The following CLTC variants were observed in gnomAD, a reference collection of about 807,000 sequenced individuals.
CLTC encodes the protein clathrin heavy chain 1.
CLTC carries 16 observed loss-of-function variants against 195.8 expected under a neutral mutation model. The observed-to-expected ratio is 0.08, with a 90% CI of 0.06 to 0.12. CLTC has a LOEUF of 0.12. Among genes scored for constraint, CLTC ranks in the 10% least tolerant of loss-of-function variants. The probability of loss-of-function intolerance (pLI) is 1.00; values close to 1 mark genes in which losing one functional copy is unlikely to be tolerated. For missense variants in CLTC, 796 were observed against 2,027.0 expected (o/e 0.39, Z 11.66); for synonymous variants, 667 against 689.4 (o/e 0.97, Z 0.51).
intron 5 of CLTC, among the ~76,000 whole-genome samples, chr17:59,653,890 A>C (rs985068138): frequency 2.0e-5 from 3 of 151,106 alleles, no homozygotes; most frequent in African/African-American, 7.3e-5. Flanking sequence ...CTCATGCCTC[A>C]GCCTCCCGAG....
chr17:59,660,051 T>C (rs2032574018), intron 6 of CLTC, among the ~76,000 whole-genome samples: 1 of 152,174 alleles, frequency 6.6e-6, no homozygotes, highest in Non-Finnish European at 1.5e-5. Context: ...CAGAGCTCAA[T>C]TAAGTGGGAA....
chr17:59,653,833 CGCAATCTCAGCTCACT>C (rs1197340288), intron 5 of CLTC, among the ~76,000 whole-genome samples: 2 of 150,708 alleles, frequency 1.3e-5, no homozygotes, highest in Non-Finnish European at 3.0e-5. Context: ...AGTGCAGTGG[CGCAATCTCAGCTCACT>C]GCAATCTCTG....
intron 6 of CLTC, among the ~76,000 whole-genome samples, chr17:59,656,872 C>G (rs1339773659): frequency 6.6e-6 from 1 of 151,794 alleles, no homozygotes; most frequent in Non-Finnish European, 1.5e-5. Context: ...CGGGCTTTCA[C>G]CATTTTGGCC....
At chr17:59,690,424 C>T in intron 30 of CLTC, 1 of 432,648 alleles carries the variant, frequency 2.3e-6, no homozygotes, top group Non-Finnish European at 4.1e-6. Context: ...ATTTTGAATC[C>T]CTCCTTCCTG....
At chr17:59,649,459 G>C (rs1306711513) in intron 4 of CLTC, among the ~76,000 whole-genome samples, 2 of 152,130 alleles carry the variant, frequency 1.3e-5, no homozygotes, top group African/African-American at 4.8e-5. Flanking sequence ...TGAGAGGTTT[G>C]GAAATAATTA....
intron 1 of CLTC, among the ~76,000 whole-genome samples, chr17:59,629,009 A>T (rs189064606): frequency 9.9e-4 from 150 of 151,984 alleles, no homozygotes; most frequent in African/African-American, 3.4e-3. Flanking sequence ...AAGGTGGCTT[A>T]AAAAAAACCA....
Position 59,647,681 on chromosome 17 carries a change from A to AT in CLTC, c.519+22dup. The AT allele has an allele frequency of 6.2e-7, 1 of 1,608,462 alleles. No homozygotes were observed. The highest frequency in any genetic ancestry group is 8.5e-7 in the Non-Finnish European group (1 of 1,175,650). On this transcript the variant is annotated intron_variant, in intron 3 of 31. Transcript: ENST00000269122. Reference sequence around the variant, plus strand: ...TATCTGCACAGGTAACATTTTAACTATTTTTTTATGAAGAAGAGGTTTAGA... The same window carrying AT: ...TATCTGCACAGGTAACATTTTAACTATTTTTTTTATGAAGAAGAGGTTTAGA...
chr17:59,624,155 TC>T (rs1054726976), intron 1 of CLTC, among the ~76,000 whole-genome samples: 72 of 152,108 alleles, frequency 4.7e-4, no homozygotes, highest in Middle Eastern at 3.4e-3. Flanking sequence ...CTTCACTCAA[TC>T]CCCCCAGACA....
At chr17:59,673,834 T>G in intron 15 of CLTC, 62 bp downstream of exon 15, 1 of 878,114 alleles carries the variant, frequency 1.1e-6, no homozygotes, top group Non-Finnish European at 1.8e-6. Flanking sequence ...TCTCATATTC[T>G]GGAAATCCTT....
intron 1 of CLTC, among the ~76,000 whole-genome samples, chr17:59,639,047 G>A (rs2031953254): frequency 6.6e-6 from 1 of 152,168 alleles, no homozygotes; most frequent in African/African-American, 2.4e-5. Flanking sequence ...CCAGGTTTAG[G>A]TGTCAAGTCC....
intron 30 of CLTC, among the ~76,000 whole-genome samples, chr17:59,686,826 G>C (rs533517896): frequency 2.0e-5 from 3 of 152,210 alleles, no homozygotes; most frequent in South Asian, 2.1e-4. Context: ...ATTAAGCTTT[G>C]AAGTTACACA....
intron 1 of CLTC, among the ~76,000 whole-genome samples, chr17:59,622,724 A>G (rs1202144157): frequency 6.6e-6 from 1 of 152,198 alleles, no homozygotes; most frequent in Admixed American, 6.5e-5. Flanking sequence ...CTGAGCTTCT[A>G]CCAGTTTGCT....
chr17:59,687,128 C>A, intron 30 of CLTC: 1 of 508,978 alleles, frequency 2.0e-6, no homozygotes, highest in Non-Finnish European at 2.5e-6. Context: ...TTTTTCCCCC[C>A]AATAAATTTT....
intron 1 of CLTC, among the ~76,000 whole-genome samples, chr17:59,639,086 C>G (rs1001443864): frequency 6.6e-6 from 1 of 152,106 alleles, no homozygotes; most frequent in Non-Finnish European, 1.5e-5. Flanking sequence ...AGACCAAAAT[C>G]GAATCTGGAA....
chr17:59,692,697 C>A (rs980957992), intron 31 of CLTC, among the ~76,000 whole-genome samples: 1 of 152,032 alleles, frequency 6.6e-6, no homozygotes, highest in Non-Finnish European at 1.5e-5. Flanking sequence ...AGTGCAGTGG[C>A]GTGATCTCGG....
chr17:59,692,638 T>C (rs2033331504), intron 31 of CLTC, among the ~76,000 whole-genome samples: 1 of 152,154 alleles, frequency 6.6e-6, no homozygotes. Flanking sequence ...TGTCTGAATA[T>C]GTCTTTTTTT....
intron 1 of CLTC, among the ~76,000 whole-genome samples, chr17:59,638,642 G>T (rs1490209790): frequency 2.6e-5 from 4 of 152,092 alleles, no homozygotes; most frequent in African/African-American, 9.7e-5. Flanking sequence ...TAAGGAGTGA[G>T]CAACCTAGAT....
chr17:59,642,067 C>G (rs373756709), intron 1 of CLTC, among the ~76,000 whole-genome samples: 40 of 148,464 alleles, frequency 2.7e-4, no homozygotes, highest in African/African-American at 9.7e-4. Flanking sequence ...CTAACTGATG[C>G]AGCGTGTTTT....
rs1365860832 is a variant in CLTC at position 59,684,128 on chromosome 17, T to G, written c.4434+143T>G. ...TCTAAATTTAGTAAGATTTCAGGAT[T>G]GATAAATCTTCTAATTAAGTGCCAA... On this transcript the variant is annotated intron_variant, in intron 28 of 31. Transcript: ENST00000269122. The G allele has an allele frequency of 6.7e-6, 4 of 593,340 alleles. No individual in the cohort carries two copies. The African/African-American group carries it at 7.5e-5, about 11-fold the overall frequency. 36.8% of individuals were successfully genotyped at this position (593,340 alleles called of 1,614,324 possible).
Sources: allele counts gnomAD v4.1 joint callset (sites outside exome capture counted in the v4.1 genomes callset), GRCh38; gene constraint gnomAD v4.1.1; transcripts MANE v1.5; gene names NCBI Gene and HGNC (gene_info 2026-07-23, HGNC 2026-07-21).